The following DNAAF5 variants were observed in gnomAD, a reference collection of about 807,000 sequenced individuals.
The protein encoded by DNAAF5 is dynein axonemal assembly factor 5.
In DNAAF5, 64 loss-of-function variants were observed where a neutral mutation model predicts 75.8. The observed-to-expected ratio is 0.84, with a 90% CI of 0.69 to 1.04. The LOEUF (loss-of-function observed/expected upper bound fraction) is 1.04. DNAAF5 is among the 50% of genes least tolerant of loss of function. The pLI, the probability that DNAAF5 is intolerant of heterozygous loss-of-function variation, is 0.00. For synonymous variants in DNAAF5, 657 were observed against 557.2 expected, an observed-to-expected ratio of 1.18 and a Z score of -2.52; for missense variants, 1,269 against 1,178.5, an observed-to-expected ratio of 1.08 and a Z score of -1.12.
At chr7:776,674 G>T (rs953449697) in intron 11 of DNAAF5, among the ~76,000 whole-genome samples, 1 of 152,188 alleles carries the variant, frequency 6.6e-6, no homozygotes, top group African/African-American at 2.4e-5. Context: ...GGGGAATGGG[G>T]TGGTTGGCTT....
At position 729,645 on chromosome 7, in the gene DNAAF5, G is replaced by T; in HGVS notation, c.596-18G>T. 1 of 1,607,784 alleles carries T rather than the reference G, an allele frequency of 6.2e-7. No homozygotes were observed. The highest frequency in any genetic ancestry group is 8.5e-7 in the Non-Finnish European group (1 of 1,175,898). ...TGTGGGAGCAGCTCTGGTAACTGGG[G>T]GCCTCCCTGTCCCTCAGACCACTTC... On this transcript the variant is annotated intron_variant, in intron 1 of 12. Transcript: ENST00000297440.
intron 2 of DNAAF5, among the ~76,000 whole-genome samples, chr7:734,422 A>G (rs1781672036): frequency 6.6e-6 from 1 of 152,234 alleles, no homozygotes; most frequent in Admixed American, 6.5e-5. Flanking sequence ...ATGTTGAGCC[A>G]TCCTTGCATT....
Position 727,320 on chromosome 7 carries a change from G to A in DNAAF5, c.595+5G>A. ...CCCTGGCGCAGGCCACGCCCGGTGA[G>A]CACCCCGGGCCCCGCTCCCACACGC... On this transcript the variant is annotated splice_donor_5th_base_variant and intron_variant, in intron 1 of 12. Coordinates refer to ENST00000297440, the MANE Select transcript of DNAAF5 (RefSeq NM_017802.4). The A allele has an allele frequency of 1.1e-5, 14 of 1,276,106 alleles. No homozygotes were observed. Among genetic ancestry groups the A allele is most frequent in the Non-Finnish European group, 1.4e-5 (14 of 1,012,548 alleles). The allele number at this position is 1,276,106 out of a possible 1,614,324, so 79.0% of individuals were successfully genotyped here. A position where few individuals can be genotyped will look rare whatever the true frequency, so the allele number is the denominator to read the frequency against.
intron 1 of DNAAF5, among the ~76,000 whole-genome samples, chr7:728,147 C>A (rs898872311): frequency 2.0e-5 from 3 of 152,166 alleles, no homozygotes; most frequent in African/African-American, 7.2e-5. Context: ...CTGATCCGGT[C>A]GTTCCCTTTC....
In DNAAF5 at chr7:754,521, T is replaced by C; in HGVS notation, c.1025-68T>C. On this transcript the variant is annotated intron_variant, in intron 4 of 12. Coordinates refer to ENST00000297440, the MANE Select transcript of DNAAF5 (RefSeq NM_017802.4). The surrounding 1 kb of genome is among the most constrained non-coding windows in gnomAD (Gnocchi z 4.8). ...TCACAGGTGTCCCTTAAATGTGATG[T>C]GCGGTAACTTGAGTTGTTGAGGTTT... 2 of 1,298,842 alleles carry C rather than the reference T, an allele frequency of 1.5e-6. No individual in the cohort carries two copies. The highest frequency in any genetic ancestry group is 1.5e-5 in the African/African-American group (1 of 68,854). 80.5% of individuals were successfully genotyped at this position (1,298,842 alleles called of 1,614,324 possible).
chr7:748,463 G>A (rs1170546107), intron 4 of DNAAF5, among the ~76,000 whole-genome samples: 10 of 152,198 alleles, frequency 6.6e-5, no homozygotes, highest in African/African-American at 2.2e-4. Flanking sequence ...CCATTAAATC[G>A]AGTTCTGTGT....
chr7:766,310 T>C (rs1782820338), intron 8 of DNAAF5, among the ~76,000 whole-genome samples: 1 of 152,232 alleles, frequency 6.6e-6, no homozygotes, highest in Non-Finnish European at 1.5e-5. Flanking sequence ...TTTTCTAAGC[T>C]TTCTCTAATG....
chr7:749,459 G>A (rs1359927421), intron 4 of DNAAF5, among the ~76,000 whole-genome samples: 2 of 152,170 alleles, frequency 1.3e-5, no homozygotes, highest in African/African-American at 4.8e-5. Context: ...GTGGATGAAC[G>A]CTGCCACGTG....
At chr7:751,727 C>T (rs1782301760) in intron 4 of DNAAF5, among the ~76,000 whole-genome samples, 1 of 151,982 alleles carries the variant, frequency 6.6e-6, no homozygotes, top group African/African-American at 2.4e-5. Flanking sequence ...CGCTCGCCAG[C>T]ACGACCGGCT....
intron 12 of DNAAF5, among the ~76,000 whole-genome samples, chr7:784,853 G>A (rs972375290): frequency 2.6e-5 from 4 of 152,142 alleles, no homozygotes; most frequent in Non-Finnish European, 5.9e-5. Flanking sequence ...ATCATTTCAT[G>A]GTCTGCCCAC....
At chr7:782,413 C>G (rs62432895) in intron 12 of DNAAF5, among the ~76,000 whole-genome samples, 19,055 of 35,668 alleles carry the variant, frequency 0.53, 3,859 homozygotes, top group Middle Eastern at 0.7. Context: ...GCCGCCTCCC[C>G]TCACGCGGCG....
intron 11 of DNAAF5, among the ~76,000 whole-genome samples, chr7:777,781 A>T (rs1778811887): frequency 6.6e-6 from 1 of 152,164 alleles, no homozygotes; most frequent in Non-Finnish European, 1.5e-5. Flanking sequence ...AAAGTTAGTG[A>T]CGTGAAAGCC....
At chr7:784,576 C>T (rs1779089742) in intron 12 of DNAAF5, among the ~76,000 whole-genome samples, 1 of 152,148 alleles carries the variant, frequency 6.6e-6, no homozygotes, top group Non-Finnish European at 1.5e-5. Flanking sequence ...TCCCACTGCC[C>T]CCATCACACA....
At chr7:732,680 G>A (rs563187784) in intron 2 of DNAAF5, 20 of 452,596 alleles carry the variant, frequency 4.4e-5, no homozygotes, top group African/African-American at 2.8e-4. Context: ...TTTTTAAATC[G>A]CGTTATTAGA....
chr7:766,719 G>C (rs970121459), intron 8 of DNAAF5, among the ~76,000 whole-genome samples: 1 of 152,076 alleles, frequency 6.6e-6, no homozygotes, highest in East Asian at 1.9e-4. Flanking sequence ...CTGAGGCAAG[G>C]AGGCTCACGT....
At chr7:764,472 G>T (rs1010377428) in intron 8 of DNAAF5, among the ~76,000 whole-genome samples, 7 of 152,168 alleles carry the variant, frequency 4.6e-5, no homozygotes, top group Admixed American at 3.9e-4. Flanking sequence ...CTAAGGAGAC[G>T]TCCGCTCAGC....
chr7:729,897 G>A (rs1213564002), intron 2 of DNAAF5, 50 bp downstream of exon 2: 1 of 1,575,612 alleles, frequency 6.3e-7, no homozygotes, highest in African/African-American at 1.3e-5. Flanking sequence ...AACACAGGCG[G>A]GCTGACGTGC....
intron 8 of DNAAF5, among the ~76,000 whole-genome samples, chr7:769,434 C>G (rs1778478801): frequency 1.3e-5 from 2 of 152,188 alleles, no homozygotes; most frequent in African/African-American, 4.8e-5. Context: ...GTGGGGACCC[C>G]TTGGGGCGTA....
At chr7:732,019 G>C (rs575564692) in intron 2 of DNAAF5, among the ~76,000 whole-genome samples, 1 of 152,286 alleles carries the variant, frequency 6.6e-6, no homozygotes, top group African/African-American at 2.4e-5. Context: ...CCAGCAGCCT[G>C]CTAGACTCGG....
Sources: gnomAD v4.1 joint callset for allele counts (sites outside exome capture counted in the v4.1 genomes callset) on GRCh38, gnomAD v4.1.1 for gene constraint, Gnocchi (gnomAD v3.1) non-coding constraint, MANE v1.5 for transcripts, NCBI Gene and HGNC (gene_info 2026-07-23, HGNC 2026-07-21) for gene names.